The following USP42 variants were observed in gnomAD, a reference collection of about 807,000 sequenced individuals.
USP42 encodes ubiquitin carboxyl-terminal hydrolase 42.
Under a neutral mutation model 113.0 loss-of-function variants are expected in USP42, and 23 were observed. The observed-to-expected ratio is 0.20, with a 90% CI of 0.15 to 0.29. The LOEUF is 0.29. USP42 is among the 10% of genes least tolerant of loss of function. The probability of loss-of-function intolerance (pLI) is 1.00; values close to 1 mark genes in which losing one functional copy is unlikely to be tolerated. For synonymous variants in USP42, 933 were observed against 699.0 expected (o/e 1.33, Z -5.28); for missense variants, 2,174 against 1,779.8 (o/e 1.22, Z -3.99).
intron 3 of USP42, among the ~76,000 whole-genome samples, chr7:6,126,570 C>T (rs970405845): frequency 2.6e-5 from 4 of 152,128 alleles, no homozygotes; most frequent in African/African-American, 4.8e-5. Context: ...CAGGCATGAG[C>T]CACTGTGCCG....
intron 9 of USP42, 87 bp from the exon 10 acceptor site, chr7:6,145,429 C>T: frequency 1.3e-6 from 2 of 1,536,184 alleles, no homozygotes; most frequent in Middle Eastern, 1.8e-4. Flanking sequence ...GGTCTCCCCT[C>T]CTAGGAAGCT....
chr7:6,104,630 A>T (rs1286034646), upstream of USP42, among the ~76,000 whole-genome samples: 2 of 152,132 alleles, frequency 1.3e-5, no homozygotes, highest in African/African-American at 4.8e-5. Flanking sequence ...GGCTCTGCCC[A>T]GGGAAGCACA....
At chr7:6,083,679 C>T in the USP42 span, among the ~76,000 whole-genome samples, 145 of 149,510 alleles carry the variant, frequency 9.7e-4, 8 homozygotes, top group African/African-American at 2.8e-3. Flanking sequence ...TGTATATATA[C>T]ACACACACAC....
Position 6,154,763 on chromosome 7 carries a change from C to T in USP42, c.3209C>T (p.Ala1070Val). ...RYYHDRYALY[A>V]ARDWKPFHGG... ...TACCATGACAGGTACGCCCTGTACG[C>T]TGCCCGGGACTGGAAGCCCTTCCAC... Residue 1070 changes from alanine to valine, a missense_variant, in exon 15 of 18, where the codon GCT becomes GTT. Transcript: ENST00000306177. The T allele has an allele frequency of 1.3e-6, 2 of 1,556,264 alleles. No homozygotes were observed. The highest frequency in any genetic ancestry group is 1.2e-5 in the South Asian group (1 of 84,342).
chr7:6,113,543 C>T (rs975524001), intron 2 of USP42, among the ~76,000 whole-genome samples: 3 of 152,206 alleles, frequency 2.0e-5, no homozygotes, highest in African/African-American at 7.2e-5. Context: ...CCTACGCCTG[C>T]CTAAATAACC....
Position 6,154,652 on chromosome 7 carries a change from T to A in USP42, c.3098T>A (p.Val1033Asp). 1.2e-6 allele frequency: 2 copies of A among 1,606,104 alleles called. No individual in the cohort carries two copies. Among genetic ancestry groups the A allele is most frequent in the Non-Finnish European group, 1.7e-6 (2 of 1,177,296 alleles). ...CGGAGCGGGGTGGAGCTGGACTGGG[T>A]CAGACACCACTACACCGAGGGCGAG... ...RHRSGVELDWVRHHYTEGERG... is the reference protein window; with the variant it reads ...RHRSGVELDWDRHHYTEGERG... The change falls in exon 15 of 18, where the codon GTC becomes GAC. Residue 1033 changes from valine (V) to aspartate (D), a missense_variant. Transcript: ENST00000306177.
At chr7:6,083,224 TTATTTATTTATTTA>T in the USP42 span, among the ~76,000 whole-genome samples, 1 of 3,736 alleles carries the variant, frequency 2.7e-4, no homozygotes, top group Admixed American at 2.6e-3. Context: ...CGCACCCAGC[TTATTTATTTATTTA>T]TTTATTTATT....
chr7:6,116,996 TCCTC>T, intron 3 of USP42: 1 of 409,882 alleles, frequency 2.4e-6, no homozygotes, highest in Non-Finnish European at 4.8e-6. Flanking sequence ...CTCCCTCCCT[TCCTC>T]CCTCTCTTTC....
intron 2 of USP42, among the ~76,000 whole-genome samples, chr7:6,113,804 G>C (rs1779732807): frequency 6.6e-6 from 1 of 151,902 alleles, no homozygotes; most frequent in Non-Finnish European, 1.5e-5. Context: ...TGTATTTTTA[G>C]TAGAGACAGG....
At chr7:6,138,689 G>A (rs1199117455) in intron 4 of USP42, among the ~76,000 whole-genome samples, 1 of 152,142 alleles carries the variant, frequency 6.6e-6, no homozygotes, top group Non-Finnish European at 1.5e-5. Context: ...CCCCACCTGA[G>A]CTCCGCCTCC....
At chr7:6,144,588 G>A (rs923854502) in intron 9 of USP42, among the ~76,000 whole-genome samples, 8 of 152,070 alleles carry the variant, frequency 5.3e-5, no homozygotes, top group Admixed American at 1.3e-4. Context: ...TTAAATAATC[G>A]GCCGAGTGTG....
the USP42 span, among the ~76,000 whole-genome samples, chr7:6,092,123 C>CCTTCTT: frequency 7.8e-6 from 1 of 128,972 alleles, no homozygotes; most frequent in African/African-American, 3.2e-5. Context: ...TCTTCCTCTT[C>CCTTCTT]CTTCTTCTTC....
chr7:6,135,651 CAAAAAA>C (rs1173165919), intron 3 of USP42, among the ~76,000 whole-genome samples, 184 bp from the exon 4 acceptor site: 24 of 16,152 alleles, frequency 1.5e-3, no homozygotes, highest in Admixed American at 0.015. Context: ...GACTCCATCT[CAAAAAA>C]AAAAAAAAAA....
At position 6,154,680 on chromosome 7, in the gene USP42, T is replaced by C. The variant is rs746306147; in HGVS notation, c.3126T>C (p.Arg1042=). The C allele has an allele frequency of 2.5e-6, 4 of 1,605,266 alleles. No individual in the cohort carries two copies. In the East Asian group the frequency reaches 9.0e-5, roughly 36 times the overall value. The change falls in exon 15 of 18, where the codon CGT becomes CGC. Residue 1042 remains arginine, a synonymous_variant. Transcript: ENST00000306177. Reference sequence around the variant, plus strand: ...GACACCACTACACCGAGGGCGAGCGTGGCTGGGGCCGGGAGAAGTTCTACC... The same window carrying C: ...GACACCACTACACCGAGGGCGAGCGCGGCTGGGGCCGGGAGAAGTTCTACC... The part of the protein sequence containing the change: ...WVRHHYTEGE[R]GWGREKFYPD...
chr7:6,142,075 A>G (rs1254899161), intron 7 of USP42, among the ~76,000 whole-genome samples: 1 of 152,120 alleles, frequency 6.6e-6, no homozygotes, highest in East Asian at 1.9e-4. Flanking sequence ...GTTTGCTTCC[A>G]GTTTTATGTA....
intron 3 of USP42, 65 bp downstream of exon 3, chr7:6,115,588 A>C: frequency 6.4e-7 from 1 of 1,553,470 alleles, no homozygotes; most frequent in Non-Finnish European, 8.8e-7. Flanking sequence ...TTTTCCTCTG[A>C]AATGAAAGTG....
At chr7:6,120,587 A>C (rs1027910017) in intron 3 of USP42, among the ~76,000 whole-genome samples, 13 of 151,682 alleles carry the variant, frequency 8.6e-5, no homozygotes, top group African/African-American at 3.2e-4. Context: ...GGCATGAGCC[A>C]CTATGCCTGG....
intron 7 of USP42, 46 bp from the exon 8 acceptor site, chr7:6,142,886 G>C (rs772767965): frequency 6.3e-7 from 1 of 1,596,602 alleles, no homozygotes; most frequent in Non-Finnish European, 8.6e-7. Context: ...CCAAACACAA[G>C]TGACGGTGTG....
At chr7:6,153,366 A>T (rs1782186052) in intron 14 of USP42, among the ~76,000 whole-genome samples, 1 of 152,088 alleles carries the variant, frequency 6.6e-6, no homozygotes, top group South Asian at 2.1e-4. Context: ...AGAGCCTAGA[A>T]CTCTAGGATT....
Sources: allele counts gnomAD v4.1 joint callset (sites outside exome capture counted in the v4.1 genomes callset), GRCh38; gene constraint gnomAD v4.1.1; transcripts MANE v1.5; gene names NCBI Gene and HGNC (gene_info 2026-07-23, HGNC 2026-07-21).